Variants in WDPCP observed in about 807,000 individuals in gnomAD.
The protein encoded by WDPCP is WD repeat-containing and planar cell polarity effector protein fritz homolog.
WDPCP carries 71 observed loss-of-function variants against 93.1 expected under a neutral mutation model. The ratio of observed to expected loss-of-function variants is 0.76; its 90% CI spans 0.63 to 0.93. The LOEUF (loss-of-function observed/expected upper bound fraction) is 0.93, where lower values mean the gene tolerates loss of function less well. Among genes scored for constraint, WDPCP ranks in the 40% least tolerant of loss-of-function variants. The pLI is 0.00. For synonymous variants in WDPCP, 315 were observed against 315.0 expected (o/e 1.00, Z 0.00); for missense variants, 844 against 887.4 (o/e 0.95, Z 0.62).
intron 2 of WDPCP, among the ~76,000 whole-genome samples, chr2:63,765,103 C>T (rs1260829223): frequency 6.6e-6 from 1 of 152,064 alleles, no homozygotes; most frequent in Non-Finnish European, 1.5e-5. Context: ...ATTTTACAGT[C>T]TAAAGGTAGA....
intron 2 of WDPCP, among the ~76,000 whole-genome samples, chr2:63,718,531 G>C (rs552579518): frequency 1.3e-5 from 2 of 152,180 alleles, no homozygotes; most frequent in African/African-American, 4.8e-5. Flanking sequence ...TTTCATGTTT[G>C]TTGGCTACTT....
At chr2:63,437,345 G>T in intron 8 of WDPCP, 76 bp downstream of exon 8, 1 of 1,160,662 alleles carries the variant, frequency 8.6e-7, no homozygotes, top group Non-Finnish European at 1.2e-6. Flanking sequence ...AGAATAATGA[G>T]CAGAATACCA....
intron 14 of WDPCP, among the ~76,000 whole-genome samples, chr2:63,251,606 C>T (rs1056308449): frequency 6.6e-6 from 1 of 151,078 alleles, no homozygotes; most frequent in African/African-American, 2.4e-5. Flanking sequence ...ATTCTCCTGC[C>T]TCAGCCTCCC....
intron 14 of WDPCP, among the ~76,000 whole-genome samples, chr2:63,245,495 AC>A (rs1165171113): frequency 1.3e-5 from 2 of 152,204 alleles, no homozygotes; most frequent in Admixed American, 6.6e-5. Flanking sequence ...ACTATAAATG[AC>A]TTGTATACAC....
At chr2:63,599,027 T>G (rs944379332) in intron 3 of WDPCP, 1 of 579,954 alleles carries the variant, frequency 1.7e-6, no homozygotes, top group Non-Finnish European at 2.7e-6. Flanking sequence ...TAAAATGCAT[T>G]TTCCTATGCT....
At chr2:63,737,471 G>C (rs1669654109) in intron 2 of WDPCP, among the ~76,000 whole-genome samples, 1 of 152,180 alleles carries the variant, frequency 6.6e-6, no homozygotes, top group Non-Finnish European at 1.5e-5. Context: ...TTGAAAGAAT[G>C]AATTAGTCCT....
At chr2:63,588,647 T>C (rs938243325), upstream of WDPCP, 4 of 477,970 alleles carry the variant, frequency 8.4e-6, no homozygotes, top group Non-Finnish European at 1.5e-5. Flanking sequence ...GATTCTCCCC[T>C]CCCTAGAGTT....
At chr2:63,297,708 T>C (rs893510339) in intron 13 of WDPCP, among the ~76,000 whole-genome samples, 1 of 152,146 alleles carries the variant, frequency 6.6e-6, no homozygotes, top group African/African-American at 2.4e-5. Flanking sequence ...ATATACACTA[T>C]AGAATATAAT....
At chr2:63,395,355 A>T (rs778353255) in intron 10 of WDPCP, among the ~76,000 whole-genome samples, 4 of 152,156 alleles carry the variant, frequency 2.6e-5, no homozygotes, top group Admixed American at 6.5e-5. Flanking sequence ...TGTACTCAAT[A>T]GGCAGTATTT....
intron 13 of WDPCP, among the ~76,000 whole-genome samples, chr2:63,306,747 T>C (rs1326039610): frequency 6.6e-6 from 1 of 152,050 alleles, no homozygotes; most frequent in East Asian, 1.9e-4. Flanking sequence ...TAGCCCAAAA[T>C]AATAAGACCG....
At chr2:63,630,084 A>G (rs1360302556) in intron 3 of WDPCP, among the ~76,000 whole-genome samples, 2 of 152,232 alleles carry the variant, frequency 1.3e-5, no homozygotes, top group Admixed American at 1.3e-4. Context: ...AGAAAAGCTA[A>G]GCATAAGTGA....
At chr2:63,171,265 G>T (rs957158705) in intron 15 of WDPCP, among the ~76,000 whole-genome samples, 1 of 152,148 alleles carries the variant, frequency 6.6e-6, no homozygotes, top group Admixed American at 6.5e-5. Context: ...AAAATGAAAA[G>T]GCAGATCACA....
chr2:63,363,428 T>C (rs1690643434), intron 12 of WDPCP, among the ~76,000 whole-genome samples: 1 of 151,976 alleles, frequency 6.6e-6, no homozygotes, highest in Admixed American at 6.6e-5. Flanking sequence ...TGAAACCCTA[T>C]CTCTACAAAA....
chr2:63,557,588 A>G (rs564857882), intron 1 of WDPCP, among the ~76,000 whole-genome samples: 13 of 152,316 alleles, frequency 8.5e-5, no homozygotes, highest in Non-Finnish European at 1.6e-4. Context: ...CACTGTCAAT[A>G]TTAGACAGAA....
At chr2:63,301,522 A>G (rs1210677861) in intron 13 of WDPCP, among the ~76,000 whole-genome samples, 1 of 152,156 alleles carries the variant, frequency 6.6e-6, no homozygotes, top group African/African-American at 2.4e-5. Context: ...CTGGAGATCC[A>G]TTTTTCAGGG....
At chr2:63,236,643 T>G (rs534775105) in intron 14 of WDPCP, among the ~76,000 whole-genome samples, 2 of 151,098 alleles carry the variant, frequency 1.3e-5, no homozygotes, top group South Asian at 4.2e-4. Context: ...CAGAATAGAG[T>G]GGAACAGAAT....
intron 12 of WDPCP, among the ~76,000 whole-genome samples, chr2:63,321,446 CTTA>C (rs1687082885): frequency 6.7e-6 from 1 of 149,810 alleles, no homozygotes; most frequent in Middle Eastern, 3.5e-3. Flanking sequence ...ATGAGAGCTC[CTTA>C]TTGTTACTTT....
intron 2 of WDPCP, among the ~76,000 whole-genome samples, chr2:63,785,415 T>A (rs1402563669): frequency 6.6e-6 from 1 of 152,192 alleles, no homozygotes; most frequent in Non-Finnish European, 1.5e-5. Context: ...CATTTTTTTT[T>A]AGTCACTACT....
chr2:63,801,601 G>A (rs906765771), intron 2 of WDPCP, among the ~76,000 whole-genome samples: 2 of 152,094 alleles, frequency 1.3e-5, no homozygotes, highest in African/African-American at 4.8e-5. Context: ...ACTCCTCCCT[G>A]CGATTGGCTA....
Sources: gnomAD v4.1 joint callset for allele counts (sites outside exome capture counted in the v4.1 genomes callset) on GRCh38, gnomAD v4.1.1 for gene constraint, MANE v1.5 for transcripts, NCBI Gene and HGNC (gene_info 2026-07-23, HGNC 2026-07-21) for gene names.